FAM168A: variants seen among roughly 807,000 people sequenced by gnomAD.
FAM168A encodes the protein protein FAM168A.
FAM168A carries 3 observed loss-of-function variants against 28.5 expected under a neutral mutation model. The observed-to-expected ratio is 0.11, with a 90% CI of 0.05 to 0.27. The LOEUF is 0.27. FAM168A is among the 10% of genes least tolerant of loss of function. The pLI is 1.00. For synonymous variants in FAM168A, 122 were observed against 124.2 expected (o/e 0.98, Z 0.12); for missense variants, 222 against 311.5 (o/e 0.71, Z 2.16).
chr11:73,441,491 TG>T (rs1867194185), intron 2 of FAM168A, among the ~76,000 whole-genome samples: 1 of 152,254 alleles, frequency 6.6e-6, no homozygotes, highest in Non-Finnish European at 1.5e-5. Context: ...TTTCTTGTGA[TG>T]TCTTTGCCTG....
chr11:73,561,801 G>A (rs1943962002), intron 1 of FAM168A, among the ~76,000 whole-genome samples: 1 of 151,536 alleles, frequency 6.6e-6, no homozygotes, highest in Admixed American at 6.6e-5. Context: ...TCAACTAAGG[G>A]GTAAAAGTGA....
intron 1 of FAM168A, among the ~76,000 whole-genome samples, chr11:73,557,783 T>C (rs1345628792): frequency 6.6e-6 from 1 of 152,200 alleles, no homozygotes; most frequent in Non-Finnish European, 1.5e-5. Flanking sequence ...AAAACTATGG[T>C]AATCGATACA....
intron 1 of FAM168A, among the ~76,000 whole-genome samples, chr11:73,504,952 A>C (rs1443570285): frequency 6.6e-6 from 1 of 152,176 alleles, no homozygotes; most frequent in Non-Finnish European, 1.5e-5. Context: ...GGAGCGGAAC[A>C]CTGAGAACAC....
chr11:73,419,787 A>T, intron 4 of FAM168A, 87 bp downstream of exon 4: 1 of 1,519,256 alleles, frequency 6.6e-7, no homozygotes, highest in Non-Finnish European at 8.9e-7. Flanking sequence ...CATAAATGTC[A>T]TTTTAAAAAG....
chr11:73,492,001 C>G (rs888320319), intron 1 of FAM168A, among the ~76,000 whole-genome samples: 4 of 152,138 alleles, frequency 2.6e-5, no homozygotes, highest in Non-Finnish European at 4.4e-5. Context: ...ATTTAAAATG[C>G]TAAAAACCAA....
At chr11:73,463,535 A>G (rs1867685912) in intron 2 of FAM168A, among the ~76,000 whole-genome samples, 1 of 152,222 alleles carries the variant, frequency 6.6e-6, no homozygotes, top group Non-Finnish European at 1.5e-5. Flanking sequence ...ACTAGTCTGA[A>G]GCTCAGAAGA....
At chr11:73,484,459 T>A (rs982783772) in intron 1 of FAM168A, among the ~76,000 whole-genome samples, 2 of 148,634 alleles carry the variant, frequency 1.3e-5, no homozygotes, top group East Asian at 3.9e-4. Flanking sequence ...TATTTGATGA[T>A]TGTATTATTC....
chr11:73,413,467 G>A (rs532747020), intron 4 of FAM168A, among the ~76,000 whole-genome samples: 23 of 151,814 alleles, frequency 1.5e-4, no homozygotes, highest in African/African-American at 5.5e-4. Flanking sequence ...ATGATGAAAT[G>A]TGGTCATAGG....
At chr11:73,514,175 A>G (rs151139633) in intron 1 of FAM168A, among the ~76,000 whole-genome samples, 41 of 152,106 alleles carry the variant, frequency 2.7e-4, no homozygotes, top group African/African-American at 9.6e-4. Flanking sequence ...AAATAAAAAG[A>G]AGGTAGTGAG....
At chr11:73,500,054 C>T (rs1202020508) in intron 1 of FAM168A, among the ~76,000 whole-genome samples, 1 of 151,910 alleles carries the variant, frequency 6.6e-6, no homozygotes, top group African/African-American at 2.4e-5. Flanking sequence ...GAAGATCAAC[C>T]CCAAGACACA....
chr11:73,500,502 C>T (rs1854988123), intron 1 of FAM168A, among the ~76,000 whole-genome samples: 1 of 152,154 alleles, frequency 6.6e-6, no homozygotes, highest in South Asian at 2.1e-4. Context: ...ACATGATCCA[C>T]CCACCTTGGC....
chr11:73,556,250 G>A (rs1032093993), intron 1 of FAM168A, among the ~76,000 whole-genome samples: 3 of 152,050 alleles, frequency 2.0e-5, no homozygotes, highest in African/African-American at 4.8e-5. Flanking sequence ...TTGGGAGGCT[G>A]AGGCAAGAGG....
At chr11:73,548,905 G>A (rs1355399994) in intron 1 of FAM168A, among the ~76,000 whole-genome samples, 1 of 152,044 alleles carries the variant, frequency 6.6e-6, no homozygotes, top group African/African-American at 2.4e-5. Context: ...CAAAGTGCTG[G>A]GATTATAGGA....
chr11:73,510,579 T>G (rs1231689751), intron 1 of FAM168A: 1 of 243,606 alleles, frequency 4.1e-6, no homozygotes, highest in Non-Finnish European at 7.9e-6. Flanking sequence ...TGAGCAGGGA[T>G]TAGAGGCTGT....
intron 1 of FAM168A, among the ~76,000 whole-genome samples, chr11:73,568,451 C>T (rs1944047501): frequency 1.3e-5 from 2 of 152,118 alleles, no homozygotes; most frequent in Admixed American, 6.5e-5. Flanking sequence ...AAATATTTTG[C>T]ACTATAATAA....
intron 2 of FAM168A, 140 bp from the exon 3 acceptor site, chr11:73,430,910 C>G (rs952479888): frequency 3.3e-6 from 2 of 612,634 alleles, no homozygotes; most frequent in African/African-American, 3.8e-5. Context: ...ATGGGCTATT[C>G]CAGATAGTAT....
In FAM168A at chr11:73,419,856, G is replaced by A; in HGVS notation, c.277+18C>T. 1 of 1,613,468 alleles carries A rather than the reference G, an allele frequency of 6.2e-7. No homozygotes were observed. Among genetic ancestry groups the A allele is most frequent in the East Asian group, 2.2e-5 (1 of 44,840 alleles). ...TCCCAACCAAGGGGAACAAGGAAAT[G>A]AGACAGGCTGTATTTACTGAAAGCC... On this transcript the variant is annotated intron_variant, in intron 4 of 7. Transcript: ENST00000356467.
At chr11:73,548,682 C>A (rs927182961) in intron 1 of FAM168A, among the ~76,000 whole-genome samples, 1 of 152,136 alleles carries the variant, frequency 6.6e-6, no homozygotes, top group African/African-American at 2.4e-5. Context: ...GCTCTGTCAT[C>A]CACACTGGAG....
chr11:73,540,111 C>T (rs1467198821), intron 1 of FAM168A, among the ~76,000 whole-genome samples: 1 of 152,140 alleles, frequency 6.6e-6, no homozygotes, highest in Non-Finnish European at 1.5e-5. Flanking sequence ...CTTATTTCAA[C>T]ACAAAGACAT....
Sources: gnomAD v4.1 joint callset for allele counts (sites outside exome capture counted in the v4.1 genomes callset) on GRCh38, gnomAD v4.1.1 for gene constraint, MANE v1.5 for transcripts, NCBI Gene and HGNC (gene_info 2026-07-23, HGNC 2026-07-21) for gene names.